RGS14: variants seen among roughly 807,000 people sequenced by gnomAD.
RGS14 encodes regulator of G protein signaling 14, also known as regulator of G-protein signaling 14.
RGS14 carries 33 observed loss-of-function variants against 63.8 expected under a neutral mutation model. That is an observed-to-expected ratio of 0.52 (90% CI 0.39 to 0.69). RGS14 has a LOEUF of 0.69. Ranked by LOEUF, RGS14 falls within the 30% of genes least tolerant of loss-of-function variation. The pLI is 0.00. For missense variants in RGS14, 739 were observed against 742.9 expected (o/e 0.99, Z 0.06); for synonymous variants, 296 against 320.9 (o/e 0.92, Z 0.83).
In RGS14 at chr5:177,364,361, G is replaced by A. The variant is rs1762044204; in HGVS notation, c.46-1602G>A. 6.6e-6 allele frequency among the ~76,000 whole-genome samples: 1 copy of A among 152,224 alleles called. No individual in the cohort carries two copies. The highest frequency in any genetic ancestry group is 2.1e-4 in the South Asian group (1 of 4,836). ...TGGAAGCCCGGGTGATGGGAAGAAA[G>A]ATGGGGGCAGGGAAGCTGGTTTGGT... is the stretch of plus-strand genomic sequence containing the variant. On this transcript the variant is annotated intron_variant, in intron 1 of 14. Coordinates refer to ENST00000408923, the MANE Select transcript of RGS14 (RefSeq NM_006480.5). This position sits in a 1 kb window ranked among gnomAD's most constrained non-coding sequence, Gnocchi z 4.6.
intron 1 of RGS14, among the ~76,000 whole-genome samples, chr5:177,363,469 G>C (rs1251328544): frequency 6.6e-6 from 1 of 152,178 alleles, no homozygotes; most frequent in Non-Finnish European, 1.5e-5. Context: ...ACTGGAAAAA[G>C]TCAGGGCTGG....
At chr5:177,366,433 T>G (rs1581619033) in intron 3 of RGS14, 78 bp downstream of exon 3, 1 of 1,294,480 alleles carries the variant, frequency 7.7e-7, no homozygotes, top group Non-Finnish European at 1.1e-6. Context: ...CTGGCCAGAG[T>G]GGGGTCCTCT....
In RGS14 at chr5:177,372,154, C is replaced by A; in HGVS notation, c.*79C>A. 7.2e-7 allele frequency: 1 copy of A among 1,385,254 alleles called. No individual in the cohort carries two copies. Among genetic ancestry groups the A allele is most frequent in the Non-Finnish European group, 1.0e-6 (1 of 996,742 alleles). The allele number at this position is 1,385,254 out of a possible 1,614,324, so 85.8% of individuals were successfully genotyped here. On this transcript the variant is annotated 3_prime_UTR_variant, in exon 15 of 15. Coordinates refer to ENST00000408923, the MANE Select transcript of RGS14 (RefSeq NM_006480.5). ...CATGGGTCCGCTCTGCATGCCCTGT[C>A]TGTGCCATGAGTGTCCCTGGCCCCT...
intron 1 of RGS14, among the ~76,000 whole-genome samples, chr5:177,361,322 A>G (rs1001472011): frequency 5.3e-5 from 8 of 152,198 alleles, no homozygotes; most frequent in Non-Finnish European, 7.4e-5. Flanking sequence ...AGAGGATGGT[A>G]GAGGGTGCCC....
chr5:177,364,628 C>T lies in RGS14; in HGVS notation c.46-1335C>T, dbSNP rs976990110. ...TGGAGCTGTGGATCTGTGGATGGGA[C>T]AAAGTGCCCAGGACAGAGCCAGAGA... On this transcript the variant is annotated intron_variant, in intron 1 of 14. Coordinates refer to ENST00000408923, the MANE Select transcript of RGS14 (RefSeq NM_006480.5). This position sits in a 1 kb window ranked among gnomAD's most constrained non-coding sequence, Gnocchi z 4.6. 5.3e-5 allele frequency among the ~76,000 whole-genome samples: 8 copies of T among 152,194 alleles called. No homozygotes were observed. Among genetic ancestry groups the T allele is most frequent in the Non-Finnish European group, 5.9e-5 (4 of 68,006 alleles).
chr5:177,367,194 G>T, intron 5 of RGS14, 160 bp downstream of exon 5: 1 of 1,124,156 alleles, frequency 8.9e-7, no homozygotes, highest in Non-Finnish European at 1.2e-6. Flanking sequence ...TCAGAGGGCG[G>T]TATCAGAGGC....
Position 177,358,198 on chromosome 5 carries a change from A to G in RGS14, c.45+129A>G. The G allele has an allele frequency of 1.4e-6, 1 of 711,846 alleles. No homozygotes were observed. The highest frequency in any genetic ancestry group is 1.8e-5 in the African/African-American group (1 of 54,438). The allele number at this position is 711,846 out of a possible 1,614,324, so 44.1% of individuals were successfully genotyped here. A position where few individuals can be genotyped will look rare whatever the true frequency, so the allele number is the denominator to read the frequency against. On this transcript the variant is annotated intron_variant, in intron 1 of 14. Coordinates refer to ENST00000408923, the MANE Select transcript of RGS14 (RefSeq NM_006480.5). The surrounding 1 kb of genome is among the most constrained non-coding windows in gnomAD (Gnocchi z 4.8). The stretch of plus-strand genomic sequence containing the variant: ...CCAGCAGGCGAGAGAAGTTGGGTAC[A>G]GACAGCAGCAGGTGGTAGGACCTGG...
intron 1 of RGS14, 60 bp from the exon 2 acceptor site, chr5:177,365,903 A>G: frequency 1.3e-6 from 2 of 1,571,404 alleles, no homozygotes; most frequent in South Asian, 1.1e-5. Context: ...TCGGGCCCAG[A>G]ACTGTCCCCT....
chr5:177,368,626 T>G, intron 8 of RGS14, 91 bp from the exon 9 acceptor site: 1 of 1,333,874 alleles, frequency 7.5e-7, no homozygotes, highest in South Asian at 1.3e-5. Flanking sequence ...TGTGCATGCT[T>G]GAGCCCCAGC....
rs1006975916 is a variant in RGS14 at position 177,358,755 on chromosome 5, CA to C, written c.45+687del. The stretch of plus-strand genomic sequence containing the variant: ...GAGGATCTGGCTCTTCTCATTCATT[CA>C]GCAGATGGGGCAAGCTGTGCTGGGC... On this transcript the variant is annotated intron_variant, in intron 1 of 14. Coordinates refer to ENST00000408923, the MANE Select transcript of RGS14 (RefSeq NM_006480.5). This position sits in a 1 kb window ranked among gnomAD's most constrained non-coding sequence, Gnocchi z 4.8. Among the ~76,000 whole-genome samples the C allele has an allele frequency of 4.6e-5, 7 of 152,244 alleles. No individual in the cohort carries two copies. The highest frequency in any genetic ancestry group is 1.7e-4 in the African/African-American group (7 of 41,468).
intron 9 of RGS14, among the ~76,000 whole-genome samples, chr5:177,370,200 T>TGGTCTGGTCGGATTTCACACACCTGAA (rs1404458546): frequency 1.3e-5 from 2 of 152,214 alleles, no homozygotes; most frequent in African/African-American, 4.8e-5. Context: ...TGCTTCCAGC[T>TGGTCTGGTCGGATTTCACACACCTGAA]GGTCTGGTCG....
rs1401045075 is a variant in RGS14 at position 177,367,370 on chromosome 5, C to T, written c.484-44C>T. On this transcript the variant is annotated intron_variant, in intron 5 of 14. Transcript: ENST00000408923. ...GGCCTGGGTGCAGGCAGCCCAGCGC[C>T]CCCACCCCAGCCCCGGCTCACCTGT... The T allele has an allele frequency of 3.2e-6, 5 of 1,551,098 alleles. No individual in the cohort carries two copies. The South Asian group carries it at 3.5e-5, about 11-fold the overall frequency.
intron 7 of RGS14, 134 bp from the exon 8 acceptor site, chr5:177,368,023 G>A: frequency 1.4e-6 from 2 of 1,465,016 alleles, no homozygotes; most frequent in Non-Finnish European, 1.8e-6. Context: ...TCCAACGGTG[G>A]TGTCGCTCCC....
intron 8 of RGS14, 45 bp downstream of exon 8, chr5:177,368,311 TC>T: frequency 6.4e-7 from 1 of 1,565,440 alleles, no homozygotes; most frequent in Non-Finnish European, 8.7e-7. Flanking sequence ...TGGGCTAGAG[TC>T]ACTACTCAGG....
chr5:177,365,879 C>A, intron 1 of RGS14, 84 bp from the exon 2 acceptor site: 1 of 1,424,918 alleles, frequency 7.0e-7, no homozygotes, highest in Non-Finnish European at 9.9e-7. Flanking sequence ...GAACGCAGTT[C>A]CAGCTCCTGG....
Position 177,371,064 on chromosome 5 carries a change from G to GGGGCGGGGCC in RGS14, c.1254+37_1254+38insGGGGCCGGGC, listed in dbSNP as rs1561618638. 1 of 736,228 alleles carries GGGGCGGGGCC rather than the reference G, an allele frequency of 1.4e-6. No homozygotes were observed. Among genetic ancestry groups the GGGGCGGGGCC allele is most frequent in the African/African-American group, 3.3e-5 (1 of 30,236 alleles). The allele number at this position is 736,228 out of a possible 1,614,324, so 45.6% of individuals were successfully genotyped here. The stretch of plus-strand genomic sequence containing the variant: ...TCCGGGCCGCGGGGCGGGGCGGGGC[G>GGGGCGGGGCC]GGGCCGGGCCGGGGCCGGGGCCGGG... On this transcript the variant is annotated intron_variant, in intron 11 of 14. Transcript: ENST00000408923. This position sits in a 1 kb window ranked among gnomAD's most constrained non-coding sequence, Gnocchi z 6.1.
chr5:177,364,557 G>A lies in RGS14; in HGVS notation c.46-1406G>A, dbSNP rs961437261. Among the ~76,000 whole-genome samples the A allele has an allele frequency of 3.9e-5, 6 of 152,144 alleles. No individual in the cohort carries two copies. On this transcript the variant is annotated intron_variant, in intron 1 of 14. Transcript: ENST00000408923. The surrounding 1 kb of genome is among the most constrained non-coding windows in gnomAD (Gnocchi z 4.6). ...TCCTGCCCTCTAACCCCAAGTCAGG[G>A]GTGATAGGCGCTGGAGCCGTTACCA...
rs940881796 is a variant in RGS14, at chr5:177,368,820, C to A, written c.953C>A (p.Ala318Asp). 1.9e-6 allele frequency: 3 copies of A among 1,614,224 alleles called. No individual in the cohort carries two copies. Among genetic ancestry groups the A allele is most frequent in the Non-Finnish European group, 1.7e-6 (2 of 1,180,028 alleles). ...LPDGTASLAL[A>D]RPGLTIRDML... ...GATGGCACAGCCTCCTTGGCCCTGG[C>A]CAGACCTGGCCTCACCATCCGAGAC... The change falls in exon 9 of 15, where the codon GCC (alanine) becomes GAC (aspartate). Residue 318 changes from alanine (A) to aspartate (D), a missense_variant. Transcript: ENST00000408923.
At chr5:177,370,499 G>A in intron 9 of RGS14, 92 bp from the exon 10 acceptor site, 1 of 1,108,578 alleles carries the variant, frequency 9.0e-7, no homozygotes, top group Non-Finnish European at 1.4e-6. Context: ...CCCAGTGGTG[G>A]CCATGGGAGG....
Sources: allele counts gnomAD v4.1 joint callset (sites outside exome capture counted in the v4.1 genomes callset), GRCh38; gene constraint gnomAD v4.1.1; non-coding constraint Gnocchi (gnomAD v3.1); transcripts MANE v1.5; gene names NCBI Gene and HGNC (gene_info 2026-07-23, HGNC 2026-07-21).